The following NAALADL2 variants were observed in gnomAD, a reference collection of about 807,000 sequenced individuals.
NAALADL2 encodes inactive N-acetylated-alpha-linked acidic dipeptidase-like protein 2.
In NAALADL2, 76 loss-of-function variants were observed where a neutral mutation model predicts 87.2. That is an observed-to-expected ratio of 0.87 (90% confidence interval 0.72 to 1.05). The LOEUF (loss-of-function observed/expected upper bound fraction) is 1.05, where lower values mean the gene tolerates loss of function less well. Ranked by LOEUF, NAALADL2 falls within the 50% of genes least tolerant of loss-of-function variation. The probability of loss-of-function intolerance (pLI) is 0.00; values close to 1 mark genes in which losing one functional copy is unlikely to be tolerated. For missense variants in NAALADL2, 1,089 were observed against 945.8 expected, an observed-to-expected ratio of 1.15 and a Z score of -1.99; for synonymous variants, 354 against 331.0, an observed-to-expected ratio of 1.07 and a Z score of -0.75.
At chr3:175,000,782 G>A (rs1748119957) in intron 1 of NAALADL2, among the ~76,000 whole-genome samples, 1 of 152,142 alleles carries the variant, frequency 6.6e-6, no homozygotes, top group Admixed American at 6.6e-5. Flanking sequence ...TTTGTATGCA[G>A]AGCATGCTCA....
At chr3:175,308,192 G>A (rs890034968) in intron 4 of NAALADL2, among the ~76,000 whole-genome samples, 11 of 152,192 alleles carry the variant, frequency 7.2e-5, no homozygotes, top group African/African-American at 2.7e-4. Flanking sequence ...GAAAGAAGCT[G>A]TGAACCGTAA....
intron 5 of NAALADL2, among the ~76,000 whole-genome samples, chr3:175,378,796 G>A (rs181348065): frequency 4.6e-5 from 7 of 152,156 alleles, no homozygotes; most frequent in Non-Finnish European, 7.4e-5. Context: ...ATAGTGTCCC[G>A]GTTTCTAATT....
At chr3:174,798,776 G>A (rs1407532625) in intron 3 of NAALADL2, among the ~76,000 whole-genome samples, 1 of 151,840 alleles carries the variant, frequency 6.6e-6, no homozygotes, top group Non-Finnish European at 1.5e-5. Flanking sequence ...CTTGTATTCT[G>A]CTACCTTGCT....
intron 2 of NAALADL2, among the ~76,000 whole-genome samples, chr3:175,209,530 T>C (rs1741448899): frequency 6.6e-6 from 1 of 152,070 alleles, no homozygotes; most frequent in Non-Finnish European, 1.5e-5. Context: ...AACAGTGCTT[T>C]AGTTGAACTT....
intron 2 of NAALADL2, among the ~76,000 whole-genome samples, chr3:174,678,856 G>A (rs997082325): frequency 6.6e-6 from 1 of 152,200 alleles, no homozygotes. Flanking sequence ...GCAAATCACA[G>A]ACGTTGGTCA....
chr3:174,509,568 A>ATTTTTTTTT (rs145219498), intron 1 of NAALADL2, among the ~76,000 whole-genome samples: 134 of 80,126 alleles, frequency 1.7e-3, no homozygotes, highest in East Asian at 3.3e-3. Flanking sequence ...CACCCAGCTA[A>ATTTTTTTTT]TTTTTTTTTT....
intron 1 of NAALADL2, among the ~76,000 whole-genome samples, chr3:174,471,216 T>A (rs1716880039): frequency 6.6e-6 from 1 of 151,934 alleles, no homozygotes; most frequent in Admixed American, 6.6e-5. Context: ...TTTTTTTTTT[T>A]ATATTTCAAC....
chr3:174,974,940 A>G (rs190013843), intron 1 of NAALADL2, among the ~76,000 whole-genome samples: 66 of 152,290 alleles, frequency 4.3e-4, no homozygotes, highest in Non-Finnish European at 2.6e-4. Flanking sequence ...TTCAATTTTC[A>G]AAAAAGACTA....
chr3:174,511,406 G>A (rs955557965), intron 1 of NAALADL2, among the ~76,000 whole-genome samples: 10 of 151,868 alleles, frequency 6.6e-5, no homozygotes, highest in Non-Finnish European at 1.5e-4. Context: ...TTATCACTGT[G>A]TAACTCTCTT....
At chr3:175,158,610 G>C (rs1317227392) in intron 2 of NAALADL2, among the ~76,000 whole-genome samples, 1 of 151,968 alleles carries the variant, frequency 6.6e-6, no homozygotes, top group Non-Finnish European at 1.5e-5. Context: ...GCTTTATAAA[G>C]TATTTTGATA....
At chr3:175,159,369 C>T (rs1732790641) in intron 2 of NAALADL2, among the ~76,000 whole-genome samples, 1 of 152,100 alleles carries the variant, frequency 6.6e-6, no homozygotes, top group Non-Finnish European at 1.5e-5. Context: ...GTGTGTGTGT[C>T]TGAGCCTATA....
intron 11 of NAALADL2, among the ~76,000 whole-genome samples, chr3:175,653,499 C>A (rs1731060902): frequency 6.6e-6 from 1 of 152,138 alleles, no homozygotes. Context: ...TCTGTTCATT[C>A]CTGTGGTGTG....
intron 11 of NAALADL2, among the ~76,000 whole-genome samples, chr3:175,656,649 G>A (rs1731501509): frequency 6.6e-6 from 1 of 151,990 alleles, no homozygotes; most frequent in Non-Finnish European, 1.5e-5. Flanking sequence ...ATGCCTAACT[G>A]GAAATTCAAG....
intron 1 of NAALADL2, among the ~76,000 whole-genome samples, chr3:174,870,480 G>A (rs556991958): frequency 6.6e-6 from 1 of 152,086 alleles, no homozygotes; most frequent in East Asian, 1.9e-4. Flanking sequence ...GGCAAAATAC[G>A]GTTGGTATCA....
intron 2 of NAALADL2, among the ~76,000 whole-genome samples, chr3:174,723,785 C>A (rs1345754899): frequency 1.1e-4 from 9 of 81,652 alleles, no homozygotes; most frequent in Admixed American, 1.3e-4. Context: ...AAAAAAAAAG[C>A]CTAGATAGAA....
intron 9 of NAALADL2, among the ~76,000 whole-genome samples, chr3:175,542,692 C>A (rs1712578373): frequency 6.6e-6 from 1 of 152,078 alleles, no homozygotes; most frequent in African/African-American, 2.4e-5. Context: ...ATTGCAGAGG[C>A]AGAATCCATG....
intron 3 of NAALADL2, among the ~76,000 whole-genome samples, chr3:174,826,682 T>C (rs1560262935): frequency 6.6e-6 from 1 of 152,218 alleles, no homozygotes; most frequent in Non-Finnish European, 1.5e-5. Context: ...TCTGACTTCC[T>C]TAGGGTTTTT....
intron 3 of NAALADL2, 33 bp downstream of exon 3, chr3:175,234,237 T>C: frequency 6.3e-7 from 1 of 1,589,586 alleles, no homozygotes; most frequent in Non-Finnish European, 8.6e-7. Context: ...TCATTTACAG[T>C]GAGATGGAAT....
chr3:175,485,569 T>C (rs1727138341), intron 9 of NAALADL2, among the ~76,000 whole-genome samples: 1 of 151,568 alleles, frequency 6.6e-6, no homozygotes, highest in South Asian at 2.1e-4. Context: ...AGTCCAAGAG[T>C]CCAAAAGCCA....
Sources: gnomAD v4.1 joint callset for allele counts (sites outside exome capture counted in the v4.1 genomes callset) on GRCh38, gnomAD v4.1.1 for gene constraint, MANE v1.5 for transcripts, NCBI Gene and HGNC (gene_info 2026-07-23, HGNC 2026-07-21) for gene names.